Variants in TENM4 observed in about 807,000 individuals in gnomAD.
The protein encoded by TENM4 is teneurin-4.
TENM4 carries 82 observed loss-of-function variants against 243.3 expected under a neutral mutation model. The observed-to-expected ratio is 0.34, with a 90% CI of 0.28 to 0.40. The LOEUF (loss-of-function observed/expected upper bound fraction) is 0.40, where lower values mean the gene tolerates loss of function less well. Among genes scored for constraint, TENM4 ranks in the 10% least tolerant of loss-of-function variants. The pLI is 1.00. For synonymous variants in TENM4, 1,412 were observed against 1,456.3 expected (o/e 0.97, Z 0.69); for missense variants, 3,138 against 3,673.3 (o/e 0.85, Z 3.77).
In TENM4 at chr11:78,903,356, A is replaced by G; in HGVS notation, c.661T>C (p.Ser221Pro). 6.7e-7 allele frequency: 1 copy of G among 1,490,936 alleles called. No homozygotes were observed. Among genetic ancestry groups the G allele is most frequent in the Middle Eastern group, 1.8e-4 (1 of 5,696 alleles). 92.4% of individuals were successfully genotyped at this position (1,490,936 alleles called of 1,614,324 possible). A position where few individuals can be genotyped will look rare whatever the true frequency, so the allele number is the denominator to read the frequency against. ...PSPAPTDHSLSGEPPAGGAQE... is the reference protein window; with the variant it reads ...PSPAPTDHSLPGEPPAGGAQE... ...GCGCCGCCGGCAGGGGGCTCTCCGG[A>G]GAGCGAGTGGTCCGTGGGGGCCGGG... The change falls in exon 7 of 34, where the codon TCC (serine) becomes CCC (proline). Residue 221 changes from serine to proline, a missense_variant. Transcript: ENST00000278550.
At chr11:78,795,550 T>C (rs1349653991) in intron 15 of TENM4, among the ~76,000 whole-genome samples, 1 of 152,192 alleles carries the variant, frequency 6.6e-6, no homozygotes, top group Non-Finnish European at 1.5e-5. Flanking sequence ...TTTAAAAATA[T>C]ACTGAGCATC....
At chr11:78,939,128 C>A (rs138284781) in intron 6 of TENM4, among the ~76,000 whole-genome samples, 11 of 152,300 alleles carry the variant, frequency 7.2e-5, no homozygotes, top group Admixed American at 7.2e-4. Context: ...TTTCTGTGGC[C>A]TCCCGTTGTT....
intron 2 of TENM4, among the ~76,000 whole-genome samples, chr11:79,221,659 G>A (rs1021106564): frequency 3.3e-5 from 5 of 151,764 alleles, no homozygotes; most frequent in South Asian, 2.1e-4. Flanking sequence ...TGTCCTGAAC[G>A]TCAAAGAGCA....
chr11:79,241,119 G>T (rs1333085277), intron 2 of TENM4, among the ~76,000 whole-genome samples: 3 of 148,110 alleles, frequency 2.0e-5, no homozygotes, highest in Middle Eastern at 3.6e-3. Flanking sequence ...CTTTGATAAA[G>T]CACTCTTTTT....
At chr11:78,733,130 ATTAC>A (rs1855705505) in intron 20 of TENM4, among the ~76,000 whole-genome samples, 1 of 152,222 alleles carries the variant, frequency 6.6e-6, no homozygotes, top group African/African-American at 2.4e-5. Flanking sequence ...ATTGTGATAG[ATTAC>A]TCAACAAAGG....
intron 18 of TENM4, among the ~76,000 whole-genome samples, chr11:78,768,681 A>G (rs1052256254): frequency 2.0e-5 from 3 of 152,218 alleles, no homozygotes; most frequent in Non-Finnish European, 4.4e-5. Context: ...CAAGTGGCAT[A>G]TTCTCCCACA....
At chr11:78,766,597 C>T (rs529115627) in intron 18 of TENM4, among the ~76,000 whole-genome samples, 8 of 152,146 alleles carry the variant, frequency 5.3e-5, no homozygotes, top group Non-Finnish European at 8.8e-5. Flanking sequence ...CATCGAGTCA[C>T]GTGAGGGATC....
At chr11:79,377,836 G>C (rs1857922758) in intron 1 of TENM4, among the ~76,000 whole-genome samples, 1 of 152,072 alleles carries the variant, frequency 6.6e-6, no homozygotes, top group South Asian at 2.1e-4. Flanking sequence ...TAACGTCCTA[G>C]AAAGAAACAC....
intron 1 of TENM4, among the ~76,000 whole-genome samples, chr11:79,328,292 G>C (rs1409775535): frequency 1.3e-5 from 2 of 152,202 alleles, no homozygotes; most frequent in African/African-American, 2.4e-5. Context: ...GAACCAAGAA[G>C]AAAGTGGCAG....
intron 28 of TENM4, among the ~76,000 whole-genome samples, chr11:78,693,970 G>A (rs1184381921): frequency 6.6e-6 from 1 of 152,054 alleles, no homozygotes; most frequent in Non-Finnish European, 1.5e-5. Context: ...AGCCGAGATC[G>A]CACCATCGCA....
At chr11:78,813,578 A>T (rs11237631) in intron 13 of TENM4, among the ~76,000 whole-genome samples, 1,720 of 152,340 alleles carry the variant, frequency 0.011, 31 homozygotes, top group African/African-American at 0.039. Context: ...TAAAAAAACA[A>T]AACAAAAGAA....
At chr11:79,280,216 G>A (rs1856133003) in intron 2 of TENM4, among the ~76,000 whole-genome samples, 1 of 152,206 alleles carries the variant, frequency 6.6e-6, no homozygotes, top group Non-Finnish European at 1.5e-5. Context: ...GTCTTCTGTA[G>A]TTTCCACAGC....
At chr11:78,993,634 A>G (rs768724782) in intron 6 of TENM4, among the ~76,000 whole-genome samples, 2 of 152,100 alleles carry the variant, frequency 1.3e-5, no homozygotes, top group African/African-American at 4.8e-5. Context: ...TTTATTCCAC[A>G]GTGTACAATC....
At chr11:78,845,354 C>T (rs895663282) in intron 12 of TENM4, among the ~76,000 whole-genome samples, 24 of 152,202 alleles carry the variant, frequency 1.6e-4, no homozygotes, top group Non-Finnish European at 3.4e-4. Flanking sequence ...AAGTTTGATT[C>T]CCAAGGATAG....
At chr11:79,301,830 A>T (rs994586854) in intron 1 of TENM4, among the ~76,000 whole-genome samples, 8 of 152,142 alleles carry the variant, frequency 5.3e-5, no homozygotes, top group African/African-American at 1.9e-4. Flanking sequence ...AGTCATGTGA[A>T]GTATCGGCTT....
At chr11:78,820,913 C>A (rs9783317) in intron 12 of TENM4, among the ~76,000 whole-genome samples, 2,857 of 152,344 alleles carry the variant, frequency 0.019, 94 homozygotes, top group African/African-American at 0.065. Context: ...TAGATTGGCA[C>A]TGGGCAGGTG....
At chr11:79,336,469 CTA>C (rs913913423) in intron 1 of TENM4, among the ~76,000 whole-genome samples, 6 of 152,126 alleles carry the variant, frequency 3.9e-5, no homozygotes, top group African/African-American at 1.4e-4. Flanking sequence ...GTATAACAGA[CTA>C]TGCAATAGCC....
intron 21 of TENM4, among the ~76,000 whole-genome samples, chr11:78,732,103 C>T (rs1235005951): frequency 1.3e-5 from 2 of 151,454 alleles, no homozygotes. Flanking sequence ...GTTCCAGGCA[C>T]TCATGTGTTT....
rs140341040 is a variant in TENM4, at chr11:78,670,490, C to T, written c.5855G>A (p.Arg1952His). 2.3e-4 allele frequency: 368 copies of T among 1,613,680 alleles called. 2 individuals are homozygous for T. In the East Asian group the frequency reaches 5.7e-3, roughly 25 times the overall value. ...QYIFEFDKND[R>H]LSSVTMPNVA... ...GTTGGGCATCGTCACAGAAGAGAGG[C>T]GGTCATTCTTGTCGAACTCAAAGAT... is the stretch of plus-strand genomic sequence containing the variant. The change falls in exon 32 of 34, where the codon CGC (arginine) becomes CAC (histidine). Residue 1952 changes from arginine to histidine, a missense_variant. Arg to His is a conservative substitution (Grantham distance 29). Transcript: ENST00000278550.
Sources: gnomAD v4.1 joint callset for allele counts (sites outside exome capture counted in the v4.1 genomes callset) on GRCh38, gnomAD v4.1.1 for gene constraint, MANE v1.5 for transcripts, NCBI Gene and HGNC (gene_info 2026-07-23, HGNC 2026-07-21) for gene names.